CSMD2: variants seen among roughly 807,000 people sequenced by gnomAD.
The protein encoded by CSMD2 is CUB and Sushi multiple domains 2, also known as CUB and sushi domain-containing protein 2.
Under a neutral mutation model 398.5 loss-of-function variants are expected in CSMD2, and 130 were observed. The observed-to-expected ratio is 0.33, with a 90% CI of 0.28 to 0.38. The LOEUF is 0.38. Ranked by LOEUF, CSMD2 falls within the 10% of genes least tolerant of loss-of-function variation. The pLI, the probability that CSMD2 is intolerant of heterozygous loss-of-function variation, is 1.00. For synonymous variants in CSMD2, 1,828 were observed against 1,908.5 expected (o/e 0.96, Z 1.10); for missense variants, 3,829 against 4,764.9 (o/e 0.80, Z 5.78).
chr1:33,527,858 G>A (rs1226960772), intron 64 of CSMD2, among the ~76,000 whole-genome samples: 4 of 150,490 alleles, frequency 2.7e-5, no homozygotes, highest in African/African-American at 7.4e-5. Flanking sequence ...GGAGAATGGT[G>A]TGAACCTGGG....
intron 6 of CSMD2, among the ~76,000 whole-genome samples, chr1:33,832,175 A>C (rs7366303): frequency 7.3e-6 from 1 of 136,574 alleles, no homozygotes; most frequent in Admixed American, 7.6e-5. Context: ...ATAGACATCT[A>C]CAGAACTCTC....
At chr1:33,565,068 T>C (rs1390546372) in intron 53 of CSMD2, among the ~76,000 whole-genome samples, 1 of 152,188 alleles carries the variant, frequency 6.6e-6, no homozygotes, top group East Asian at 1.9e-4. Context: ...AAGAGAAATA[T>C]ACACTAAGCC....
chr1:34,013,594 C>T (rs1647673979), intron 3 of CSMD2, among the ~76,000 whole-genome samples: 1 of 152,158 alleles, frequency 6.6e-6, no homozygotes, highest in African/African-American at 2.4e-5. Context: ...CAGCTCTCTA[C>T]AGCCTGATCT....
At chr1:34,004,003 C>T (rs549466622) in intron 3 of CSMD2, among the ~76,000 whole-genome samples, 7 of 152,342 alleles carry the variant, frequency 4.6e-5, no homozygotes, top group Admixed American at 1.3e-4. Context: ...TACCTGCCCT[C>T]TAGCCCCAGG....
At chr1:34,022,512 T>C (rs939775354) in intron 3 of CSMD2, among the ~76,000 whole-genome samples, 3 of 152,018 alleles carry the variant, frequency 2.0e-5, no homozygotes, top group Admixed American at 2.0e-4. Flanking sequence ...GAACAGAAAA[T>C]ACACGAGTGA....
intron 4 of CSMD2, among the ~76,000 whole-genome samples, chr1:33,920,754 T>G (rs1251595044): frequency 6.6e-6 from 1 of 152,084 alleles, no homozygotes; most frequent in East Asian, 1.9e-4. Context: ...TGGGATGCCA[T>G]GTAGACAGCA....
intron 27 of CSMD2, among the ~76,000 whole-genome samples, chr1:33,657,103 C>A (rs377286059): frequency 5.3e-5 from 8 of 152,124 alleles, no homozygotes; most frequent in African/African-American, 1.4e-4. Context: ...CAGGCCCCAC[C>A]CTTTTTAAGT....
chr1:34,065,314 G>C (rs1345725955), intron 2 of CSMD2, among the ~76,000 whole-genome samples: 2 of 152,132 alleles, frequency 1.3e-5, no homozygotes, highest in African/African-American at 4.8e-5. Flanking sequence ...AGATAGGGCC[G>C]AATTGTTGGG....
intron 10 of CSMD2, among the ~76,000 whole-genome samples, chr1:33,799,153 G>C (rs1253315533): frequency 6.6e-6 from 1 of 152,172 alleles, no homozygotes; most frequent in Non-Finnish European, 1.5e-5. Flanking sequence ...TTTTATATGT[G>C]GACCTGTGGA....
chr1:33,826,034 G>C (rs1281478593), intron 6 of CSMD2, among the ~76,000 whole-genome samples: 1 of 152,140 alleles, frequency 6.6e-6, no homozygotes, highest in Admixed American at 6.5e-5. Context: ...AGAGGCTCTG[G>C]GACTCCCCCG....
intron 28 of CSMD2, among the ~76,000 whole-genome samples, chr1:33,649,964 T>A (rs563791536): frequency 4.7e-4 from 72 of 152,306 alleles, no homozygotes; most frequent in Non-Finnish European, 9.0e-4. Context: ...CTTGTCACAC[T>A]GGTGTCAGTT....
chr1:33,578,517 G>T (rs988753425), intron 48 of CSMD2, among the ~76,000 whole-genome samples: 6 of 152,192 alleles, frequency 3.9e-5, no homozygotes, highest in African/African-American at 1.4e-4. Flanking sequence ...GGTGGAGGCT[G>T]CAGGGAGATG....
At chr1:33,532,967 C>T in intron 64 of CSMD2, 83 bp downstream of exon 64, 1 of 1,277,780 alleles carries the variant, frequency 7.8e-7, no homozygotes, top group South Asian at 1.5e-5. Flanking sequence ...TTCCTTCCTT[C>T]TCTTTTGCCC....
chr1:33,984,403 G>A (rs1006425954), intron 3 of CSMD2, among the ~76,000 whole-genome samples: 1 of 152,190 alleles, frequency 6.6e-6, no homozygotes, highest in African/African-American at 2.4e-5. Context: ...CTCTCAGGGG[G>A]TGCCCATGCA....
At chr1:33,808,313 G>T (rs1481529695) in intron 10 of CSMD2, among the ~76,000 whole-genome samples, 1 of 151,956 alleles carries the variant, frequency 6.6e-6, no homozygotes, top group Admixed American at 6.6e-5. Context: ...ACTGCAAAAT[G>T]CAGGGTTTTT....
intron 12 of CSMD2, among the ~76,000 whole-genome samples, chr1:33,776,787 A>G (rs190702409): frequency 1.3e-5 from 2 of 152,180 alleles, no homozygotes; most frequent in East Asian, 3.9e-4. Flanking sequence ...GCTTAGAATG[A>G]AGAAGGAAAG....
chr1:33,839,794 C>A (rs1363475770), intron 6 of CSMD2: 1 of 152,218 alleles, frequency 6.6e-6, no homozygotes, highest in East Asian at 1.9e-4. Flanking sequence ...ATTCACTGCT[C>A]CAGCTAATGA....
intron 22 of CSMD2, among the ~76,000 whole-genome samples, chr1:33,704,127 T>G (rs1645698008): frequency 6.6e-6 from 1 of 152,224 alleles, no homozygotes; most frequent in Non-Finnish European, 1.5e-5. Context: ...GTCTTACAGT[T>G]TTTGTTTCTA....
rs909033417 is a variant in CSMD2 at position 33,635,232 on chromosome 1, T to C, written c.5068A>G (p.Thr1690Ala). The change falls in exon 31 of 71, where the codon ACT becomes GCT. Residue 1690 changes from threonine to alanine, a missense_variant. By Grantham distance (58) the Thr-to-Ala change is moderately conservative. This residue lies in a region of CSMD2 where 2,001 missense variants were observed against 2,567.1 expected (regional missense o/e 0.78). Transcript: ENST00000373381. The surrounding 1 kb of genome is among the most constrained non-coding windows in gnomAD (Gnocchi z 5.0). ...CCCATACCATAGTCCTTGGGCACAG[T>C]AACAAAATACAAGCAGATCTGTCCA... ...TSGQICLYFV[T>A]VPKDYVVFGQ... 6.2e-7 allele frequency: 1 copy of C among 1,611,312 alleles called. No homozygotes were observed. Among genetic ancestry groups the C allele is most frequent in the African/African-American group, 1.3e-5 (1 of 74,780 alleles).
Sources: allele counts gnomAD v4.1 joint callset (sites outside exome capture counted in the v4.1 genomes callset), GRCh38; gene constraint gnomAD v4.1.1; regional missense constraint gnomAD v4.1.1; non-coding constraint Gnocchi (gnomAD v3.1); transcripts MANE v1.5; gene names NCBI Gene and HGNC (gene_info 2026-07-23, HGNC 2026-07-21).